The following RGS10 variants were observed in gnomAD, a reference collection of about 807,000 sequenced individuals.
RGS10 encodes the protein regulator of G-protein signalling 10.
A neutral mutation model predicts 23.5 loss-of-function variants in RGS10; 11 were observed. That is an observed-to-expected ratio of 0.47 (90% CI 0.29 to 0.77). The LOEUF (loss-of-function observed/expected upper bound fraction) is 0.77, where lower values mean the gene tolerates loss of function less well. RGS10 is among the 30% of genes least tolerant of loss of function. RGS10 has a pLI of 0.08. For missense variants in RGS10, 180 were observed against 226.3 expected, an observed-to-expected ratio of 0.80 and a Z score of 1.31; for synonymous variants, 77 against 83.2, an observed-to-expected ratio of 0.92 and a Z score of 0.41.
chr10:119,507,861 AT>A (rs535625613), intron 4 of RGS10, among the ~76,000 whole-genome samples: 14 of 151,372 alleles, frequency 9.2e-5, no homozygotes, highest in Non-Finnish European at 1.5e-5. Flanking sequence ...CTGGTTTTCC[AT>A]TTTTTTTGTA....
At chr10:119,510,252 G>A (rs563159129) in intron 4 of RGS10, among the ~76,000 whole-genome samples, 3 of 152,236 alleles carry the variant, frequency 2.0e-5, no homozygotes, top group South Asian at 2.1e-4. Context: ...ACAGCCTCGG[G>A]GCCTGACCCA....
In RGS10 at chr10:119,499,920, T is replaced by C; in HGVS notation, c.*193A>G. 2 of 529,666 alleles carry C rather than the reference T, an allele frequency of 3.8e-6. No homozygotes were observed. Among genetic ancestry groups the C allele is most frequent in the South Asian group, 3.0e-5 (1 of 33,076 alleles). 32.8% of individuals were successfully genotyped at this position (529,666 alleles called of 1,614,324 possible). ...TTGTAAACTAAAACTTCCAAGTTAT[T>C]ATTATTCTTTTTTTATGTTAGCTTA... On this transcript the variant is annotated 3_prime_UTR_variant, in exon 5 of 5. Transcript: ENST00000369103.
Position 119,542,693 on chromosome 10 carries a change from C to G in RGS10, c.-55G>C. 7.6e-7 allele frequency: 1 copy of G among 1,321,738 alleles called. No individual in the cohort carries two copies. The allele number at this position is 1,321,738 out of a possible 1,614,324, so 81.9% of individuals were successfully genotyped here. ...GCAGCCCGGCGGCGCGGCGGCTGAG[C>G]CGGAGGAAGGCGAGGAGGAGGAGGA... On this transcript the variant is annotated 5_prime_UTR_variant, in exon 1 of 5. Transcript: ENST00000369103.
chr10:119,536,851 C>G (rs1338181959), intron 1 of RGS10, among the ~76,000 whole-genome samples: 3 of 152,106 alleles, frequency 2.0e-5, no homozygotes, highest in African/African-American at 7.2e-5. Flanking sequence ...TAAAGCTGCC[C>G]TCACCCTCCT....
chr10:119,515,494 G>A lies in RGS10; in HGVS notation c.399+15C>T, dbSNP rs749692351. 1.9e-6 allele frequency: 3 copies of A among 1,613,994 alleles called. No individual in the cohort carries two copies. In the South Asian group the frequency reaches 3.3e-5, roughly 18 times the overall value. On this transcript the variant is annotated intron_variant, in intron 4 of 4. Coordinates refer to ENST00000369103, the MANE Select transcript of RGS10 (RefSeq NM_001005339.2). Reference sequence around the variant, plus strand: ...AGGTTTTCAAATCAAGGTGCAGGCAGGGAAGTCGGGTTACCTGGTCCTGGA... The same window carrying A: ...AGGTTTTCAAATCAAGGTGCAGGCAAGGAAGTCGGGTTACCTGGTCCTGGA...
intron 3 of RGS10, among the ~76,000 whole-genome samples, chr10:119,516,788 C>T (rs954878305): frequency 2.6e-5 from 4 of 152,124 alleles, no homozygotes; most frequent in African/African-American, 9.7e-5. Flanking sequence ...AGGACAGGCG[C>T]CTCAGGGCGG....
intron 1 of RGS10, among the ~76,000 whole-genome samples, chr10:119,531,645 C>T (rs765717035): frequency 7.2e-5 from 11 of 152,176 alleles, no homozygotes; most frequent in Non-Finnish European, 1.3e-4. Context: ...TCCCCCACCA[C>T]CTCATTTTAT....
intron 4 of RGS10, among the ~76,000 whole-genome samples, chr10:119,505,322 C>CT (rs11317053): frequency 0.01 from 904 of 90,032 alleles, 3 homozygotes; most frequent in Middle Eastern, 0.017. Context: ...CATTCTGCAT[C>CT]TTTTTTTTTT....
At chr10:119,534,057 C>T (rs1589842654) in intron 1 of RGS10, among the ~76,000 whole-genome samples, 1 of 148,726 alleles carries the variant, frequency 6.7e-6, no homozygotes, top group African/African-American at 2.5e-5. Flanking sequence ...GCATTCAAGA[C>T]CAGCCTGGGC....
chr10:119,504,365 G>A (rs974657062), intron 4 of RGS10, among the ~76,000 whole-genome samples: 13 of 152,070 alleles, frequency 8.5e-5, no homozygotes, highest in African/African-American at 2.7e-4. Flanking sequence ...AAGTAGAGAC[G>A]GGGTTTCACC....
In RGS10 at chr10:119,538,068, G is replaced by A. The variant is rs941487977; in HGVS notation, c.49+4522C>T. Among the ~76,000 whole-genome samples, 1 of 151,772 alleles carries A rather than the reference G, an allele frequency of 6.6e-6. No individual in the cohort carries two copies. The highest frequency in any genetic ancestry group is 1.5e-5 in the Non-Finnish European group (1 of 68,020). ...GTCCTTTTCTGTGTGAAATGATAAA[G>A]GTGTTTGATGATGGCTTTGTTTGTT... On this transcript the variant is annotated intron_variant, in intron 1 of 4. Transcript: ENST00000369103. The surrounding 1 kb of genome is among the most constrained non-coding windows in gnomAD (Gnocchi z 4.5).
intron 1 of RGS10, among the ~76,000 whole-genome samples, chr10:119,541,218 G>A (rs1446822890): frequency 1.3e-5 from 2 of 152,134 alleles, no homozygotes; most frequent in African/African-American, 4.8e-5. Flanking sequence ...TCTGAGCAGC[G>A]CTCCACAGGC....
At chr10:119,541,263 C>T (rs947993813) in intron 1 of RGS10, among the ~76,000 whole-genome samples, 4 of 152,198 alleles carry the variant, frequency 2.6e-5, no homozygotes, top group Non-Finnish European at 5.9e-5. Flanking sequence ...AACATTAACA[C>T]CCACAAGGGA....
In RGS10 at chr10:119,511,385, G is replaced by A. The variant is rs371300814; in HGVS notation, c.399+4124C>T. On this transcript the variant is annotated intron_variant, in intron 4 of 4. Transcript: ENST00000369103. Reference sequence around the variant, plus strand: ...TGTAATCCCAGTACTTTGGGAGGCCGAGGTGGGTGGATCACTTGAGGCCAG... The same window carrying A: ...TGTAATCCCAGTACTTTGGGAGGCCAAGGTGGGTGGATCACTTGAGGCCAG... Among the ~76,000 whole-genome samples the A allele has an allele frequency of 1.7e-4, 26 of 152,272 alleles. No homozygotes were observed. In the East Asian group the frequency reaches 4.2e-3, roughly 25 times the overall value.
In RGS10 at chr10:119,527,118, T is replaced by C. The variant is rs189318358; in HGVS notation, c.168+188A>G. ...AACAGGCTACCCATCTGTGACAGCGTTGCCAACACAGTCATGACAGATGAG... is the reference window on the plus strand; with the variant it reads ...AACAGGCTACCCATCTGTGACAGCGCTGCCAACACAGTCATGACAGATGAG... On this transcript the variant is annotated intron_variant, in intron 2 of 4. Transcript: ENST00000369103. The surrounding 1 kb of genome is among the most constrained non-coding windows in gnomAD (Gnocchi z 4.2). Among the ~76,000 whole-genome samples, 93 of 152,256 alleles carry C rather than the reference T, an allele frequency of 6.1e-4. No individual in the cohort carries two copies. The highest frequency in any genetic ancestry group is 2.1e-3 in the African/African-American group (89 of 41,556).
chr10:119,521,290 G>T (rs1564712751), intron 3 of RGS10, among the ~76,000 whole-genome samples: 2 of 152,082 alleles, frequency 1.3e-5, no homozygotes, highest in Non-Finnish European at 2.9e-5. Flanking sequence ...AAAGAAAATT[G>T]CTGGGCGTGG....
chr10:119,508,983 C>T (rs1844047339), intron 4 of RGS10, among the ~76,000 whole-genome samples: 1 of 151,952 alleles, frequency 6.6e-6, no homozygotes, highest in African/African-American at 2.4e-5. Flanking sequence ...TGCCTATAGT[C>T]CCAGCTACTC....
At chr10:119,522,651 G>A (rs1167924338) in intron 3 of RGS10, among the ~76,000 whole-genome samples, 1 of 150,570 alleles carries the variant, frequency 6.6e-6, no homozygotes, top group Admixed American at 6.7e-5. Flanking sequence ...CCGGGAGGCG[G>A]AGATTGCAGT....
chr10:119,519,652 T>C (rs1425160422), intron 3 of RGS10, among the ~76,000 whole-genome samples: 415 of 91,808 alleles, frequency 4.5e-3, no homozygotes, highest in Non-Finnish European at 6.0e-3. Context: ...TCCCTGTCTG[T>C]CTCCCAGCTC....
Sources: allele counts gnomAD v4.1 joint callset (sites outside exome capture counted in the v4.1 genomes callset), GRCh38; gene constraint gnomAD v4.1.1; non-coding constraint Gnocchi (gnomAD v3.1); transcripts MANE v1.5; gene names NCBI Gene and HGNC (gene_info 2026-07-23, HGNC 2026-07-21).